ATP1A4: variants seen among roughly 807,000 people sequenced by gnomAD.
ATP1A4 encodes ATPase Na+/K+ transporting subunit alpha 4.
A neutral mutation model predicts 114.3 loss-of-function variants in ATP1A4; 90 were observed. That is an observed-to-expected ratio of 0.79 (90% CI 0.66 to 0.94). The LOEUF (loss-of-function observed/expected upper bound fraction) is 0.94, where lower values mean the gene tolerates loss of function less well. Among genes scored for constraint, ATP1A4 ranks in the 40% least tolerant of loss-of-function variants. The probability of loss-of-function intolerance (pLI) is 0.00; values close to 1 mark genes in which losing one functional copy is unlikely to be tolerated. For missense variants in ATP1A4, 1,222 were observed against 1,313.6 expected (o/e 0.93, Z 1.08); for synonymous variants, 511 against 494.1 (o/e 1.03, Z -0.45).
Position 160,186,085 on chromosome 1 carries a change from G to A in ATP1A4, c.2970-191G>A, listed in dbSNP as rs1465419398. Among the ~76,000 whole-genome samples, 4 of 17,076 alleles carry A rather than the reference G, an allele frequency of 2.3e-4. 1 individual carries two copies. Among genetic ancestry groups the A allele is most frequent in the African/African-American group, 7.2e-4 (3 of 4,160 alleles). The allele number at this position is 17,076 out of a possible 152,430, so 11.2% of individuals were successfully genotyped here. ...CTGGGCAACAGAACAAGACTCTGTC[G>A]CAAAAAAAAAAAAAAAAAAAAAAGG... On this transcript the variant is annotated intron_variant, in intron 20 of 21. Coordinates refer to ENST00000368081, the MANE Select transcript of ATP1A4 (RefSeq NM_144699.4).
chr1:160,186,366 T>C lies in ATP1A4; in HGVS notation c.3060T>C (p.Asp1020=). The stretch of plus-strand genomic sequence containing the variant: ...AACTCCTCATCCGTCAGCACCCGGA[T>C]GGTGAGGCTCCCCTGGGCCCCGCTC... ...IRKLLIRQHP[D]GWVERETYY The change falls in exon 21 of 22, where the codon GAT becomes GAC. Residue 1020 remains aspartate (D), a splice_region_variant and synonymous_variant. Coordinates refer to ENST00000368081, the MANE Select transcript of ATP1A4 (RefSeq NM_144699.4). 6.2e-7 allele frequency: 1 copy of C among 1,611,346 alleles called. No individual in the cohort carries two copies. The highest frequency in any genetic ancestry group is 8.5e-7 in the Non-Finnish European group (1 of 1,178,100).
chr1:160,182,289 A>C (rs941033432), intron 20 of ATP1A4, among the ~76,000 whole-genome samples: 1 of 152,218 alleles, frequency 6.6e-6, no homozygotes, highest in Non-Finnish European at 1.5e-5. Flanking sequence ...TAACAGAGTG[A>C]AATCTTTTTC....
Position 160,152,189 on chromosome 1 carries a change from T to C in ATP1A4, c.147+2T>C. 1.2e-6 allele frequency: 2 copies of C among 1,612,834 alleles called. No individual in the cohort carries two copies. Among genetic ancestry groups the C allele is most frequent in the Non-Finnish European group, 1.7e-6 (2 of 1,179,734 alleles). On this transcript the variant is annotated splice_donor_variant, in intron 1 of 21. Coordinates refer to ENST00000368081, the MANE Select transcript of ATP1A4 (RefSeq NM_144699.4). LOFTEE classifies it high-confidence loss of function. Reference sequence around the variant, plus strand: ...GAACTGAAGAAGGAAGTGGTCATGGTGAGGCCACCCAAAGTGGGCGCTGAC... The same window carrying C: ...GAACTGAAGAAGGAAGTGGTCATGGCGAGGCCACCCAAAGTGGGCGCTGAC...
chr1:160,184,231 G>A (rs1160618619), intron 20 of ATP1A4, among the ~76,000 whole-genome samples: 1 of 152,042 alleles, frequency 6.6e-6, no homozygotes, highest in Non-Finnish European at 1.5e-5. Context: ...GATTACATGC[G>A]TGAGCCACCG....
chr1:160,174,791 T>G (rs760366337), intron 15 of ATP1A4, 44 bp downstream of exon 15: 1 of 1,611,400 alleles, frequency 6.2e-7, no homozygotes, highest in Non-Finnish European at 8.5e-7. Context: ...AACCCTGGAC[T>G]CAGGTGGGGG....
intron 7 of ATP1A4, among the ~76,000 whole-genome samples, chr1:160,165,632 T>G (rs1037877296): frequency 2.0e-5 from 3 of 151,930 alleles, no homozygotes; most frequent in South Asian, 4.2e-4. Context: ...GCATGGTGGC[T>G]GGCGCCTGTA....
At chr1:160,186,490 C>T (rs945265019) in intron 21 of ATP1A4, 123 bp downstream of exon 21, 304 of 1,065,712 alleles carry the variant, frequency 2.9e-4, no homozygotes, top group Non-Finnish European at 3.8e-4. Context: ...CCAGCCTTGA[C>T]TGCGCCTGGA....
chr1:160,154,035 C>T (rs144048505), intron 2 of ATP1A4, among the ~76,000 whole-genome samples: 1 of 152,164 alleles, frequency 6.6e-6, no homozygotes, highest in East Asian at 1.9e-4. Flanking sequence ...AGAATCTATG[C>T]ATTCATGTTT....
At chr1:160,174,327 C>G in intron 14 of ATP1A4, 66 bp downstream of exon 14, 1 of 1,600,756 alleles carries the variant, frequency 6.2e-7, no homozygotes, top group Non-Finnish European at 8.5e-7. Flanking sequence ...CGTCCCAAAC[C>G]AAGCAGAGGA....
In ATP1A4 at chr1:160,173,688, T is replaced by G. The variant is rs761074606; in HGVS notation, c.1962T>G (p.Leu654=). 4 of 1,614,108 alleles carry G rather than the reference T, an allele frequency of 2.5e-6. No individual in the cohort carries two copies. The highest frequency in any genetic ancestry group is 3.4e-6 in the Non-Finnish European group (4 of 1,179,998). ...TETAEEVAAR[L]KIPISKVDAS... Reference sequence around the variant, plus strand: ...CGGCAGAGGAAGTCGCTGCCCGGCTTAAGATCCCTATCAGCAAGGTCGATG... The same window carrying G: ...CGGCAGAGGAAGTCGCTGCCCGGCTGAAGATCCCTATCAGCAAGGTCGATG... The change falls in exon 13 of 22, where the codon CTT becomes CTG. Residue 654 remains leucine (L), a synonymous_variant. Transcript: ENST00000368081.
chr1:160,163,171 G>A (rs1396493613), intron 6 of ATP1A4, among the ~76,000 whole-genome samples: 1 of 151,496 alleles, frequency 6.6e-6, no homozygotes, highest in Non-Finnish European at 1.5e-5. Context: ...ACAAGAAACA[G>A]CTTTTTTTTT....
Position 160,186,965 on chromosome 1 carries a change from G to A in ATP1A4, c.*266G>A, listed in dbSNP as rs1043622469. 1.3e-5 allele frequency: 7 copies of A among 519,362 alleles called. No homozygotes were observed. The highest frequency in any genetic ancestry group is 1.2e-4 in the African/African-American group (6 of 51,930). 32.2% of individuals were successfully genotyped at this position (519,362 alleles called of 1,614,324 possible). A position where few individuals can be genotyped will look rare whatever the true frequency, so the allele number is the denominator to read the frequency against. ...TAGCCAGTCTAGACAGTAAATGTCT[G>A]GAAAAGCCCTCACCAGCTGGATGTG... On this transcript the variant is annotated 3_prime_UTR_variant, in exon 22 of 22. Coordinates refer to ENST00000368081, the MANE Select transcript of ATP1A4 (RefSeq NM_144699.4).
Position 160,155,113 on chromosome 1 carries a change from C to A in ATP1A4, c.276C>A (p.Pro92=), listed in dbSNP as rs756297678. ...GACCCAATACTGTTACCCCACCCCC[C>A]ACCACTCCAGAATGGGTCAAATTCT... ...RGGPNTVTPP[P]TTPEWVKFCK... Residue 92 remains proline (P), a synonymous_variant, in exon 3 of 22, where the codon CCC becomes CCA. Transcript: ENST00000368081. 4 of 1,613,652 alleles carry A rather than the reference C, an allele frequency of 2.5e-6. No individual in the cohort carries two copies. The highest frequency in any genetic ancestry group is 1.1e-5 in the South Asian group (1 of 91,056).
At chr1:160,154,959 T>TG (rs1250442328) in intron 2 of ATP1A4, 86 bp from the exon 3 acceptor site, 2 of 1,303,966 alleles carry the variant, frequency 1.5e-6, no homozygotes, top group African/African-American at 2.9e-5. Flanking sequence ...AGACCCATTC[T>TG]GGGGCTCCAA....
rs1232814457 is a variant in ATP1A4 at position 160,175,994 on chromosome 1, T to C, written c.2312-98T>C. On this transcript the variant is annotated intron_variant, in intron 15 of 21. Transcript: ENST00000368081. ...AGGACCTCCAGACCCTTTCCTGGAC[T>C]GTGACACTTCTTTGAGGTGGCCTGT... 3.9e-6 allele frequency: 5 copies of C among 1,280,608 alleles called. No homozygotes were observed. In the South Asian group the frequency reaches 6.4e-5, roughly 16 times the overall value. The allele number at this position is 1,280,608 out of a possible 1,614,324, so 79.3% of individuals were successfully genotyped here.
In ATP1A4 at chr1:160,171,376, T is replaced by A. The variant is rs973557553; in HGVS notation, c.1617T>A (p.Asp539Glu). The change falls in exon 11 of 22, where the codon GAT becomes GAA. Residue 539 changes from aspartate to glutamate, a missense_variant. By Grantham distance (45) the Asp-to-Glu change is conservative. Transcript: ENST00000368081. ...LLNGQEYSMN[D>E]EMKEAFQNAY... ...ATGGGCAGGAGTACTCAATGAACGA[T>A]GAAATGAAGGAAGCCTTCCAAAATG... 1.9e-6 allele frequency: 3 copies of A among 1,614,100 alleles called. No individual in the cohort carries two copies. The African/African-American group carries it at 4.0e-5, about 22-fold the overall frequency.
chr1:160,155,113 C>T lies in ATP1A4; in HGVS notation c.276C>T (p.Pro92=), dbSNP rs756297678. The change falls in exon 3 of 22, where the codon CCC becomes CCT. Residue 92 remains proline (P), a synonymous_variant. Coordinates refer to ENST00000368081, the MANE Select transcript of ATP1A4 (RefSeq NM_144699.4). ...RGGPNTVTPP[P]TTPEWVKFCK... ...GACCCAATACTGTTACCCCACCCCC[C>T]ACCACTCCAGAATGGGTCAAATTCT... 16 of 1,613,768 alleles carry T rather than the reference C, an allele frequency of 9.9e-6. No homozygotes were observed. The East Asian group carries it at 1.1e-4, about 11-fold the overall frequency.
chr1:160,158,846 T>C (rs1652765927), intron 4 of ATP1A4, among the ~76,000 whole-genome samples, 156 bp from the exon 5 acceptor site: 1 of 151,694 alleles, frequency 6.6e-6, no homozygotes, highest in Non-Finnish European at 1.5e-5. Flanking sequence ...CATGGGAATT[T>C]GCAATCTGCC....
chr1:160,167,281 G>A lies in ATP1A4; in HGVS notation c.1360G>A (p.Ala454Thr), dbSNP rs776250549. 26 of 1,603,852 alleles carry A rather than the reference G, an allele frequency of 1.6e-5. No individual in the cohort carries two copies. The highest frequency in any genetic ancestry group is 2.2e-5 in the Non-Finnish European group (26 of 1,176,182). The part of the protein sequence containing the change: ...NQEILPIAKR[A>T]TTGDASESAL... ...TATACAAACCCCATCCTGGCAGAGG[G>A]CCACAACAGGTGATGCTTCCGAGTC... The change falls in exon 10 of 22, where the codon GCC (alanine) becomes ACC (threonine). Residue 454 changes from alanine to threonine, a missense_variant. Transcript: ENST00000368081.
Sources: allele counts gnomAD v4.1 joint callset (sites outside exome capture counted in the v4.1 genomes callset), GRCh38; gene constraint gnomAD v4.1.1; transcripts MANE v1.5; gene names NCBI Gene and HGNC (gene_info 2026-07-23, HGNC 2026-07-21).